SUGCT: variants seen among roughly 807,000 people sequenced by gnomAD.
SUGCT encodes the protein succinyl-CoA:glutarate-CoA transferase.
SUGCT carries 41 observed loss-of-function variants against 55.0 expected under a neutral mutation model. The ratio of observed to expected loss-of-function variants is 0.74; its 90% CI spans 0.58 to 0.97. The LOEUF is 0.97. Among genes scored for constraint, SUGCT ranks in the 50% least tolerant of loss-of-function variants. The pLI, the probability that SUGCT is intolerant of heterozygous loss-of-function variation, is 0.00. For missense variants in SUGCT, 568 were observed against 547.8 expected, an observed-to-expected ratio of 1.04 and a Z score of -0.37; for synonymous variants, 187 against 200.4, an observed-to-expected ratio of 0.93 and a Z score of 0.56.
At chr7:40,600,802 T>C (rs1490123851) in intron 12 of SUGCT, among the ~76,000 whole-genome samples, 2 of 151,966 alleles carry the variant, frequency 1.3e-5, no homozygotes, top group Non-Finnish European at 2.9e-5. Context: ...GGAGTAGATA[T>C]GTCTGTGGCA....
intron 1 of SUGCT, among the ~76,000 whole-genome samples, chr7:40,144,403 T>A (rs1004496099): frequency 1.2e-4 from 18 of 152,320 alleles, no homozygotes; most frequent in African/African-American, 4.3e-4. Context: ...GGTTTTCCCC[T>A]GGGACTATGG....
In SUGCT at chr7:40,830,027, C is replaced by A. The variant is rs183399353; in HGVS notation, c.1154-30289C>A. On this transcript the variant is annotated intron_variant, in intron 13 of 13. Transcript: ENST00000335693. ...GGACAACAATTTGATTCTTTCTCTG[C>A]TTCCTTCTTTCTCCCACATTCCACC... is the stretch of plus-strand genomic sequence containing the variant. 1.5e-3 allele frequency among the ~76,000 whole-genome samples: 225 copies of A among 152,278 alleles called. 2 individuals carry two copies. Among genetic ancestry groups the A allele is most frequent in the African/African-American group, 5.2e-3 (216 of 41,548 alleles).
intron 12 of SUGCT, among the ~76,000 whole-genome samples, chr7:40,746,423 C>T (rs1312798237): frequency 2.0e-5 from 3 of 152,162 alleles, no homozygotes; most frequent in African/African-American, 7.2e-5. Flanking sequence ...GGCAACCAAG[C>T]AGGGGAATAC....
intron 12 of SUGCT, among the ~76,000 whole-genome samples, chr7:40,573,538 C>T (rs546076528): frequency 1.2e-3 from 185 of 152,240 alleles, no homozygotes; most frequent in African/African-American, 4.3e-3. Context: ...TACATATAGA[C>T]ATAAGATTTA....
intron 1 of SUGCT, 68 bp downstream of exon 1, chr7:40,135,188 T>A: frequency 6.8e-7 from 1 of 1,477,272 alleles, no homozygotes; most frequent in East Asian, 2.6e-5. Flanking sequence ...TCGGGCGCCC[T>A]GAGGAGAGCA....
chr7:40,577,941 T>A (rs776912926), intron 12 of SUGCT, among the ~76,000 whole-genome samples: 2 of 152,232 alleles, frequency 1.3e-5, no homozygotes, highest in Non-Finnish European at 2.9e-5. Context: ...TTAATATTCA[T>A]CCTGTTTAGA....
intron 12 of SUGCT, among the ~76,000 whole-genome samples, chr7:40,503,424 G>A (rs977629786): frequency 1.3e-5 from 2 of 152,102 alleles, no homozygotes; most frequent in Non-Finnish European, 2.9e-5. Context: ...TGAGAAGGAA[G>A]CAAGCATTAT....
In SUGCT at chr7:40,475,520, G is replaced by A. The variant is rs139190407; in HGVS notation, c.986+16322G>A. Among the ~76,000 whole-genome samples, 14 of 152,214 alleles carry A rather than the reference G, an allele frequency of 9.2e-5. No individual in the cohort carries two copies. In the East Asian group the frequency reaches 2.7e-3, roughly 29 times the overall value. On this transcript the variant is annotated intron_variant, in intron 11 of 13. Transcript: ENST00000335693. ...CAAAATAGAAAATGAGATTGGCTTGGCATTATTTGCTTTAAGGAAACCATA... is the reference window on the plus strand; with the variant it reads ...CAAAATAGAAAATGAGATTGGCTTGACATTATTTGCTTTAAGGAAACCATA...
intron 12 of SUGCT, among the ~76,000 whole-genome samples, chr7:40,601,139 C>G (rs1019945510): frequency 9.2e-5 from 14 of 152,106 alleles, no homozygotes; most frequent in African/African-American, 3.1e-4. Flanking sequence ...GTGCAGGACC[C>G]TTTGAATGGC....
At chr7:40,342,201 C>CAG (rs1458746934) in intron 9 of SUGCT, among the ~76,000 whole-genome samples, 2 of 152,190 alleles carry the variant, frequency 1.3e-5, no homozygotes, top group Non-Finnish European at 2.9e-5. Flanking sequence ...TTGAACCTCT[C>CAG]TAATTGTCAT....
intron 7 of SUGCT, among the ~76,000 whole-genome samples, chr7:40,264,980 A>G (rs1791463282): frequency 6.6e-6 from 1 of 152,202 alleles, no homozygotes; most frequent in East Asian, 1.9e-4. Context: ...CTCATACCAA[A>G]TGCTGAAGTA....
chr7:41,016,376 G>A, the SUGCT span, among the ~76,000 whole-genome samples: 1 of 152,086 alleles, frequency 6.6e-6, no homozygotes, highest in Admixed American at 6.6e-5. Context: ...AAATGGAGCA[G>A]CCCATAAGAT....
intron 12 of SUGCT, among the ~76,000 whole-genome samples, chr7:40,702,698 T>C (rs1003170299): frequency 6.6e-6 from 1 of 152,200 alleles, no homozygotes; most frequent in Non-Finnish European, 1.5e-5. Context: ...CTCCATGTTT[T>C]GGGGGTTGAG....
In SUGCT at chr7:40,287,500, CTT is replaced by C. The variant is rs113244843; in HGVS notation, c.720+12857_720+12858del. On this transcript the variant is annotated intron_variant, in intron 8 of 13. Transcript: ENST00000335693. ...TAACTGTGTTTTTTCCCTTGATACTCTTTTTTTTTTTTTTAAAGTCAAGGTCT... is the reference window on the plus strand; with the variant it reads ...TAACTGTGTTTTTTCCCTTGATACTCTTTTTTTTTTTTAAAGTCAAGGTCT... Among the ~76,000 whole-genome samples the C allele has an allele frequency of 8.1e-4, 117 of 143,908 alleles. 2 individuals are homozygous for C. In the South Asian group the frequency reaches 0.02, roughly 25 times the overall value. The allele number at this position is 143,908 out of a possible 152,430, so 94.4% of individuals were successfully genotyped here.
chr7:40,549,360 A>G (rs1323882917), intron 12 of SUGCT, among the ~76,000 whole-genome samples: 2 of 152,230 alleles, frequency 1.3e-5, no homozygotes, highest in African/African-American at 4.8e-5. Context: ...ATGACTAGGA[A>G]TAAACAATAA....
At chr7:40,915,088 G>C in the SUGCT span, among the ~76,000 whole-genome samples, 2 of 152,122 alleles carry the variant, frequency 1.3e-5, no homozygotes, top group African/African-American at 4.8e-5. Context: ...CTTCTTTTCC[G>C]ATCACTGCTG....
chr7:40,219,138 T>C (rs971379024), intron 6 of SUGCT, among the ~76,000 whole-genome samples: 1 of 152,008 alleles, frequency 6.6e-6, no homozygotes, highest in East Asian at 1.9e-4. Context: ...CTTTATGAGC[T>C]ATAACACTCA....
chr7:40,905,685 CAAAA>C, the SUGCT span, among the ~76,000 whole-genome samples: 1 of 150,964 alleles, frequency 6.6e-6, no homozygotes, highest in Admixed American at 6.6e-5. Context: ...ATACACATGA[CAAAA>C]AATTTACCAT....
intron 6 of SUGCT, among the ~76,000 whole-genome samples, chr7:40,215,224 C>T (rs1787557458): frequency 6.6e-6 from 1 of 152,128 alleles, no homozygotes; most frequent in South Asian, 2.1e-4. Flanking sequence ...CTCACTGCAG[C>T]CTTGAGCTCC....
Sources: allele counts gnomAD v4.1 joint callset (sites outside exome capture counted in the v4.1 genomes callset), GRCh38; gene constraint gnomAD v4.1.1; transcripts MANE v1.5; gene names NCBI Gene and HGNC (gene_info 2026-07-23, HGNC 2026-07-21).